Variants in NLRP11 observed in about 807,000 individuals in gnomAD.
NLRP11 encodes NLR family pyrin domain containing 11.
Under a neutral mutation model 79.3 loss-of-function variants are expected in NLRP11, and 53 were observed. That is an observed-to-expected ratio of 0.67 (90% CI 0.54 to 0.84). The LOEUF (loss-of-function observed/expected upper bound fraction) is 0.84, where lower values mean the gene tolerates loss of function less well. Ranked by LOEUF, NLRP11 falls within the 40% of genes least tolerant of loss-of-function variation. NLRP11 has a pLI of 0.00. For missense variants in NLRP11, 1,264 were observed against 1,255.0 expected (o/e 1.01, Z -0.11); for synonymous variants, 518 against 462.6 (o/e 1.12, Z -1.54).
At chr19:55,812,281 G>A (rs1013649447) in intron 2 of NLRP11, among the ~76,000 whole-genome samples, 1 of 152,098 alleles carries the variant, frequency 6.6e-6, no homozygotes, top group Non-Finnish European at 1.5e-5. Context: ...TATACACTAT[G>A]CAAAACAAAG....
intron 1 of NLRP11, among the ~76,000 whole-genome samples, chr19:55,818,970 T>C (rs1490609971): frequency 6.6e-6 from 1 of 152,126 alleles, no homozygotes; most frequent in Non-Finnish European, 1.5e-5. Flanking sequence ...TTTAGCCATG[T>C]AGAGCCTGCC....
chr19:55,799,933 C>T (rs557670882), intron 5 of NLRP11, among the ~76,000 whole-genome samples: 6 of 152,184 alleles, frequency 3.9e-5, no homozygotes, highest in African/African-American at 1.4e-4. Context: ...CACCACTGCA[C>T]TCCAGCCAGG....
chr19:55,802,767 A>G (rs1979606604), intron 4 of NLRP11, among the ~76,000 whole-genome samples: 1 of 152,216 alleles, frequency 6.6e-6, no homozygotes, highest in Admixed American at 6.5e-5. Context: ...TTCCAACTAT[A>G]CTATAGGGCT....
intron 9 of NLRP11, among the ~76,000 whole-genome samples, chr19:55,787,913 C>T (rs970607589): frequency 6.6e-6 from 1 of 152,198 alleles, no homozygotes; most frequent in Admixed American, 6.5e-5. Flanking sequence ...TAGAAGCAGG[C>T]TGATTTTTCC....
chr19:55,787,200 C>T (rs1339159370), intron 9 of NLRP11, among the ~76,000 whole-genome samples: 1 of 152,172 alleles, frequency 6.6e-6, no homozygotes, highest in African/African-American at 2.4e-5. Flanking sequence ...AAACAGAATG[C>T]TAGATATTGC....
rs914624569 is a variant in NLRP11, at chr19:55,801,825, G to A, written c.2004-86C>T. ...TCTCCTGCCTGCCTCACTTCATCCTGTAACAAAGATTCTCAGTGGATTACA... is the reference window on the plus strand; with the variant it reads ...TCTCCTGCCTGCCTCACTTCATCCTATAACAAAGATTCTCAGTGGATTACA... On this transcript the variant is annotated intron_variant, in intron 4 of 9. Coordinates refer to ENST00000589093, the Ensembl canonical transcript of NLRP11. The A allele has an allele frequency of 3.5e-5, 39 of 1,109,508 alleles. No individual in the cohort carries two copies. In the Admixed American group the frequency reaches 7.3e-4, roughly 21 times the overall value. 68.7% of individuals were successfully genotyped at this position (1,109,508 alleles called of 1,614,324 possible).
At chr19:55,831,626 T>C (rs1458485007) in intron 1 of NLRP11, among the ~76,000 whole-genome samples, 1 of 152,136 alleles carries the variant, frequency 6.6e-6, no homozygotes, top group Non-Finnish European at 1.5e-5. Flanking sequence ...CATAGAAGAA[T>C]AGCATCCATA....
chr19:55,816,727 T>C (rs951833045), intron 2 of NLRP11, among the ~76,000 whole-genome samples: 9 of 152,230 alleles, frequency 5.9e-5, no homozygotes, highest in African/African-American at 2.2e-4. Context: ...CTGGATCTTA[T>C]GGTTCTAGGA....
At chr19:55,804,863 G>C (rs1409769922) in intron 4 of NLRP11, among the ~76,000 whole-genome samples, 4 of 152,046 alleles carry the variant, frequency 2.6e-5, no homozygotes, top group Non-Finnish European at 4.4e-5. Flanking sequence ...AAGAAATCGA[G>C]ACCATCCTGG....
intron 1 of NLRP11, among the ~76,000 whole-genome samples, chr19:55,821,167 G>C (rs940357948): frequency 6.8e-6 from 1 of 146,824 alleles, no homozygotes; most frequent in African/African-American, 2.5e-5. Flanking sequence ...AATATGCTAG[G>C]GAGAGGATGC....
exon 3 of NLRP11, chr19:55,810,006 G>A (rs576611528): frequency 8.1e-6 from 13 of 1,614,160 alleles, no homozygotes; most frequent in African/African-American, 5.3e-5. Flanking sequence ...TTGGCGATTA[G>A]CTCAGCCAAG....
chr19:55,816,581 G>C (rs1981135516), intron 2 of NLRP11, among the ~76,000 whole-genome samples: 1 of 152,130 alleles, frequency 6.6e-6, no homozygotes, highest in Non-Finnish European at 1.5e-5. Flanking sequence ...ACCTGCATAG[G>C]AGTGTACCCA....
chr19:55,789,258 T>C, exon 8 of NLRP11: 1 of 1,613,658 alleles, frequency 6.2e-7, no homozygotes, highest in African/African-American at 1.3e-5. Flanking sequence ...AGTTGGGATG[T>C]CTCAAACCAC....
chr19:55,805,778 G>A (rs1215942744), intron 4 of NLRP11, among the ~76,000 whole-genome samples: 1 of 152,106 alleles, frequency 6.6e-6, no homozygotes, highest in Non-Finnish European at 1.5e-5. Context: ...AACCTCAAGT[G>A]ATCCACCCGC....
At chr19:55,819,672 G>C (rs1366836025) in intron 1 of NLRP11, among the ~76,000 whole-genome samples, 1 of 152,166 alleles carries the variant, frequency 6.6e-6, no homozygotes, top group African/African-American at 2.4e-5. Flanking sequence ...GGGCGAAAAA[G>C]AAAGTTGGAG....
rs58239530 is a variant in NLRP11, at chr19:55,788,741, CAAAAAAAAAAAA to C, written c.2855+54_2855+65del. 114 of 380,462 alleles carry C rather than the reference CAAAAAAAAAAAA, an allele frequency of 3.0e-4. 2 individuals are homozygous for C. In the African/African-American group the frequency reaches 3.9e-3, roughly 13 times the overall value. 23.6% of individuals were successfully genotyped at this position (380,462 alleles called of 1,614,324 possible). On this transcript the variant is annotated intron_variant, in intron 9 of 9. Transcript: ENST00000589093. ...GGCAACAGAGTGAGACTCTGTCTCT[CAAAAAAAAAAAA>C]AAAAAAAAAAAAAAAAGAATTTTCC...
At position 55,809,762 on chromosome 19, in the gene NLRP11, T is replaced by C; in HGVS notation, c.848A>G (p.Asn283Ser). The C allele has an allele frequency of 1.2e-6, 2 of 1,614,194 alleles. No homozygotes were observed. Among genetic ancestry groups the C allele is most frequent in the South Asian group, 2.2e-5 (2 of 91,076 alleles). The change falls in exon 3 of 10, where the codon AAT becomes AGT. Residue 283 changes from asparagine to serine, a missense_variant. Coordinates refer to ENST00000589093, the Ensembl canonical transcript of NLRP11. This position sits in a 1 kb window ranked among gnomAD's most constrained non-coding sequence, Gnocchi z 4.5. ...CTCTTTCAAGAACGTTTTTACATTA[T>C]TCCCACGTGTGGGCCTTGAGGAGAT...
At chr19:55,800,556 T>A (rs1324617819) in intron 5 of NLRP11, among the ~76,000 whole-genome samples, 1 of 152,118 alleles carries the variant, frequency 6.6e-6, no homozygotes, top group Non-Finnish European at 1.5e-5. Context: ...CCTCAAGTGA[T>A]CCACATCCTC....
upstream of NLRP11, among the ~76,000 whole-genome samples, chr19:55,834,481 A>G (rs1331699277): frequency 6.6e-6 from 1 of 152,222 alleles, no homozygotes; most frequent in African/African-American, 2.4e-5. Flanking sequence ...TAAAATGTCA[A>G]CAACATCAGG....
Sources: gnomAD v4.1 joint callset for allele counts (sites outside exome capture counted in the v4.1 genomes callset) on GRCh38, gnomAD v4.1.1 for gene constraint, Gnocchi (gnomAD v3.1) non-coding constraint, MANE v1.5 for transcripts, NCBI Gene and HGNC (gene_info 2026-07-23, HGNC 2026-07-21) for gene names.